The following ARHGEF37 variants were observed in gnomAD, a reference collection of about 807,000 sequenced individuals.
The protein encoded by ARHGEF37 is Rho guanine nucleotide exchange factor (GEF) 37.
A neutral mutation model predicts 71.1 loss-of-function variants in ARHGEF37; 55 were observed. That is an observed-to-expected ratio of 0.77 (90% CI 0.62 to 0.97). The LOEUF (loss-of-function observed/expected upper bound fraction) is 0.97. ARHGEF37 is among the 50% of genes least tolerant of loss of function. ARHGEF37 has a pLI of 0.00. For synonymous variants in ARHGEF37, 327 were observed against 350.6 expected (o/e 0.93, Z 0.75); for missense variants, 765 against 836.8 (o/e 0.91, Z 1.06).
At chr5:149,577,922 C>T (rs371024266), upstream of ARHGEF37, among the ~76,000 whole-genome samples, 8 of 152,340 alleles carry the variant, frequency 5.3e-5, no homozygotes, top group African/African-American at 1.9e-4. Flanking sequence ...AAAGTTTATT[C>T]AGTAAATTTT....
chr5:149,619,241 G>A (rs1752466558), intron 7 of ARHGEF37, among the ~76,000 whole-genome samples, 199 bp downstream of exon 7: 1 of 152,158 alleles, frequency 6.6e-6, no homozygotes, highest in Non-Finnish European at 1.5e-5. Context: ...GCAGCTCCGA[G>A]CCCATTGGAG....
chr5:149,602,941 A>T (rs1368061276), intron 3 of ARHGEF37, among the ~76,000 whole-genome samples: 14 of 150,912 alleles, frequency 9.3e-5, no homozygotes, highest in African/African-American at 2.4e-5. Context: ...AAAAAGTTTT[A>T]TTTTTTTTTG....
At chr5:149,569,269 C>G (rs1181929210) in intron 1 of ARHGEF37, among the ~76,000 whole-genome samples, 1 of 151,864 alleles carries the variant, frequency 6.6e-6, no homozygotes, top group African/African-American at 2.4e-5. Flanking sequence ...AGTTGAATTG[C>G]TGGGTCCTAG....
Position 149,623,269 on chromosome 5 carries a change from G to A in ARHGEF37, c.1336-743G>A, listed in dbSNP as rs1385009483. ...AGCCCTGTGGATGGAACTGTGCTTA[G>A]TACTTTTCAGAGCCTGCCTTCTGCT... On this transcript the variant is annotated intron_variant, in intron 9 of 12. Coordinates refer to ENST00000333677, the MANE Select transcript of ARHGEF37 (RefSeq NM_001001669.3). Among the ~76,000 whole-genome samples the A allele has an allele frequency of 3.9e-5, 6 of 152,324 alleles. No homozygotes were observed. In the East Asian group the frequency reaches 1.2e-3, roughly 29 times the overall value.
chr5:149,628,937 C>T lies in ARHGEF37; in HGVS notation c.1789C>T (p.Leu597=). The change falls in exon 12 of 13, where the codon CTA becomes TTA. Residue 597 remains leucine (L), a synonymous_variant. Coordinates refer to ENST00000333677, the MANE Select transcript of ARHGEF37 (RefSeq NM_001001669.3). ...RCLTPEPSPA[L]VPSIPTMNQV... is the part of the protein sequence containing the mutation. ...TCTAACACCGGAGCCCAGCCCAGCT[C>T]TAGTGCCCTCTATTCCCACCATGAA... 6.2e-7 allele frequency: 1 copy of T among 1,612,858 alleles called. No homozygotes were observed. The highest frequency in any genetic ancestry group is 8.5e-7 in the Non-Finnish European group (1 of 1,179,958).
intron 3 of ARHGEF37, among the ~76,000 whole-genome samples, chr5:149,606,260 C>T (rs1269301182): frequency 1.3e-5 from 2 of 152,222 alleles, no homozygotes; most frequent in Admixed American, 6.5e-5. Flanking sequence ...CTCTCTCACA[C>T]AGCTTCTTCC....
intron 2 of ARHGEF37, 53 bp downstream of exon 2, chr5:149,598,008 C>T (rs1763600573): frequency 1.3e-6 from 2 of 1,493,198 alleles, no homozygotes; most frequent in African/African-American, 1.4e-5. Flanking sequence ...AATGTGGGTC[C>T]CAGCTTCTGA....
chr5:149,597,342 C>G (rs1763577233), intron 1 of ARHGEF37, among the ~76,000 whole-genome samples: 1 of 152,184 alleles, frequency 6.6e-6, no homozygotes, highest in Non-Finnish European at 1.5e-5. Flanking sequence ...ACTGCAACCT[C>G]TGCCTCCCGG....
intron 10 of ARHGEF37, 95 bp downstream of exon 10, chr5:149,624,235 C>G: frequency 6.9e-7 from 1 of 1,442,104 alleles, no homozygotes; most frequent in Non-Finnish European, 9.3e-7. Flanking sequence ...CCTTTTTGGT[C>G]CCCCAATGTT....
chr5:149,561,348 C>T (rs1762828013), intron 1 of ARHGEF37, among the ~76,000 whole-genome samples: 1 of 151,006 alleles, frequency 6.6e-6, no homozygotes, highest in African/African-American at 2.4e-5. Context: ...GGGGGAGGGG[C>T]ATTACTTAAG....
chr5:149,618,122 C>T (rs1342474656), intron 5 of ARHGEF37, 54 bp from the exon 6 acceptor site: 68 of 1,605,544 alleles, frequency 4.2e-5, no homozygotes, highest in African/African-American at 1.1e-4. Context: ...CCGTGACATC[C>T]ACTTTCCTGA....
Position 149,632,147 on chromosome 5 carries a change from A to G in ARHGEF37, c.1984A>G (p.Arg662Gly). 1.9e-6 allele frequency: 3 copies of G among 1,614,258 alleles called. No homozygotes were observed. Among genetic ancestry groups the G allele is most frequent in the Non-Finnish European group, 2.5e-6 (3 of 1,180,058 alleles). ...TTATGTGCCTTCTGGCTTCTTGGCC[A>G]GGGCTCGGAGCCCAGTTCTGTGGGG... Reference protein sequence around the residue: ...RGYVPSGFLARARSPVLWGWS... With the variant: ...RGYVPSGFLAGARSPVLWGWS... The change falls in exon 13 of 13, where the codon AGG (arginine) becomes GGG (glycine). Residue 662 changes from arginine (R) to glycine (G), a missense_variant. Around this residue, in one of 5 missense-constraint regions of ARHGEF37, gnomAD observed 390 missense variants for 407.4 expected, o/e 0.96. Transcript: ENST00000333677.
chr5:149,590,162 A>T (rs1444475023), intron 1 of ARHGEF37, among the ~76,000 whole-genome samples: 1 of 151,546 alleles, frequency 6.6e-6, no homozygotes, highest in African/African-American at 2.4e-5. Context: ...GGAATGCCCA[A>T]ATCCCTCTGT....
rs200382749 is a variant in ARHGEF37, at chr5:149,624,062, C to T, written c.1386C>T (p.Asp462=). Reference sequence around the variant, plus strand: ...CTGCCTTCAGGAAGCTGGTGGAGGACGCACTGGGCCGGACGAGTAACCAGC... The same window carrying T: ...CTGCCTTCAGGAAGCTGGTGGAGGATGCACTGGGCCGGACGAGTAACCAGC... ...PEPAFRKLVE[D]ALGRTSNQLR... Residue 462 remains aspartate, a synonymous_variant, in exon 10 of 13, where the codon GAC becomes GAT. Transcript: ENST00000333677. 4.3e-5 allele frequency: 69 copies of T among 1,610,044 alleles called. No homozygotes were observed. In the East Asian group the frequency reaches 5.1e-4, roughly 12 times the overall value.
chr5:149,605,467 A>C (rs1763890307), intron 3 of ARHGEF37, among the ~76,000 whole-genome samples: 1 of 152,148 alleles, frequency 6.6e-6, no homozygotes, highest in Non-Finnish European at 1.5e-5. Flanking sequence ...CACTGACAGC[A>C]CATCGCATTT....
intron 7 of ARHGEF37, among the ~76,000 whole-genome samples, chr5:149,620,014 A>C (rs55658358): frequency 0.033 from 5,072 of 151,708 alleles, 286 homozygotes; most frequent in African/African-American, 0.11. Flanking sequence ...CAGAGATTGC[A>C]ATGAGCCAAG....
chr5:149,583,226 T>C lies in ARHGEF37; in HGVS notation c.-12+1602T>C, dbSNP rs79888176. Among the ~76,000 whole-genome samples the C allele has an allele frequency of 0.016, 2,403 of 152,328 alleles. 239 individuals are homozygous for C. In the East Asian group the frequency reaches 0.3, roughly 19 times the overall value. On this transcript the variant is annotated intron_variant, in intron 1 of 12. Transcript: ENST00000333677. ...ATCTTGGTTCACTGCAACCTCCGCCTCCCGGGTTCAAGCAATTCTCCTGCC... is the reference window on the plus strand; with the variant it reads ...ATCTTGGTTCACTGCAACCTCCGCCCCCCGGGTTCAAGCAATTCTCCTGCC...
At chr5:149,558,425 G>A (rs1381144398) in intron 1 of ARHGEF37, among the ~76,000 whole-genome samples, 1 of 152,144 alleles carries the variant, frequency 6.6e-6, no homozygotes, top group African/African-American at 2.4e-5. Flanking sequence ...AAAATGGCTT[G>A]AACCCAGGAG....
At chr5:149,608,581 C>T (rs1282720941) in intron 3 of ARHGEF37, among the ~76,000 whole-genome samples, 1 of 151,986 alleles carries the variant, frequency 6.6e-6, no homozygotes, top group African/African-American at 2.4e-5. Context: ...CCATGTTAGC[C>T]AGGCTGGTCT....
Sources: allele counts gnomAD v4.1 joint callset (sites outside exome capture counted in the v4.1 genomes callset), GRCh38; gene constraint gnomAD v4.1.1; regional missense constraint gnomAD v4.1.1; transcripts MANE v1.5; gene names NCBI Gene and HGNC (gene_info 2026-07-23, HGNC 2026-07-21).